The following AOPEP variants were observed in gnomAD, a reference collection of about 807,000 sequenced individuals.
The protein encoded by AOPEP is aminopeptidase O.
In AOPEP, 77 loss-of-function variants were observed where a neutral mutation model predicts 98.1. The ratio of observed to expected loss-of-function variants is 0.78; its 90% CI spans 0.65 to 0.95. The LOEUF (loss-of-function observed/expected upper bound fraction) is 0.95. Among genes scored for constraint, AOPEP ranks in the 40% least tolerant of loss-of-function variants. The pLI, the probability that AOPEP is intolerant of heterozygous loss-of-function variation, is 0.00. For missense variants in AOPEP, 1,024 were observed against 1,024.7 expected, an observed-to-expected ratio of 1.00 and a Z score of 0.01; for synonymous variants, 346 against 365.3, an observed-to-expected ratio of 0.95 and a Z score of 0.60.
intron 3 of AOPEP, among the ~76,000 whole-genome samples, chr9:94,778,782 C>T (rs1056121468): frequency 6.6e-6 from 1 of 152,124 alleles, no homozygotes; most frequent in Non-Finnish European, 1.5e-5. Context: ...AATCCCAACA[C>T]TTTGAGAGGC....
intron 1 of AOPEP, among the ~76,000 whole-genome samples, chr9:94,740,937 A>G (rs907801153): frequency 2.6e-5 from 4 of 152,260 alleles, no homozygotes; most frequent in Admixed American, 6.5e-5. Flanking sequence ...CTGGCGCTTA[A>G]TAAGAACTCA....
At chr9:95,052,745 T>C (rs1255741075) in intron 13 of AOPEP, among the ~76,000 whole-genome samples, 1 of 152,218 alleles carries the variant, frequency 6.6e-6, no homozygotes, top group Non-Finnish European at 1.5e-5. Context: ...ATTCTGGGTT[T>C]GGATGAAATT....
chr9:94,828,734 A>AAT (rs1041683720), intron 5 of AOPEP, among the ~76,000 whole-genome samples: 52 of 151,178 alleles, frequency 3.4e-4, no homozygotes, highest in South Asian at 1.0e-3. Context: ...ATACACACAC[A>AAT]ATATATATAT....
At chr9:94,827,782 C>G (rs1241536870) in intron 5 of AOPEP, among the ~76,000 whole-genome samples, 1 of 152,140 alleles carries the variant, frequency 6.6e-6, no homozygotes, top group African/African-American at 2.4e-5. Flanking sequence ...CCTAGGCTTT[C>G]AAGATCAAAG....
At chr9:94,915,199 G>A (rs2052622596) in intron 5 of AOPEP, among the ~76,000 whole-genome samples, 1 of 152,138 alleles carries the variant, frequency 6.6e-6, no homozygotes, top group Non-Finnish European at 1.5e-5. Context: ...GGTGGTTGCT[G>A]GAATTGAATG....
intron 13 of AOPEP, among the ~76,000 whole-genome samples, chr9:95,029,569 G>T (rs373417255): frequency 6.6e-6 from 1 of 152,112 alleles, no homozygotes; most frequent in African/African-American, 2.4e-5. Context: ...TTTGAGAGAC[G>T]CCATGTGTTA....
At chr9:94,985,665 A>G (rs1382648799) in intron 11 of AOPEP, among the ~76,000 whole-genome samples, 1 of 152,210 alleles carries the variant, frequency 6.6e-6, no homozygotes, top group Non-Finnish European at 1.5e-5. Flanking sequence ...GAACTACGAT[A>G]TGTTTGCTTC....
chr9:94,869,214 G>A (rs1045944932), intron 5 of AOPEP, among the ~76,000 whole-genome samples: 4 of 152,156 alleles, frequency 2.6e-5, no homozygotes, highest in Non-Finnish European at 5.9e-5. Context: ...GGGTGACAGA[G>A]CAAGACTCCG....
chr9:94,940,139 A>G (rs1481273316), intron 7 of AOPEP, among the ~76,000 whole-genome samples: 1 of 152,234 alleles, frequency 6.6e-6, no homozygotes, highest in Non-Finnish European at 1.5e-5. Flanking sequence ...TGAGAGAGTT[A>G]CTCAACCACA....
intron 16 of AOPEP, among the ~76,000 whole-genome samples, chr9:95,083,511 GAGCACCCAC>G (rs973197746): frequency 7.4e-6 from 1 of 135,728 alleles, no homozygotes; most frequent in Non-Finnish European, 1.6e-5. Flanking sequence ...AGAGCACCTG[GAGCACCCAC>G]AGCACACACA....
In AOPEP at chr9:94,897,921, C is replaced by T. The variant is rs574770538; in HGVS notation, c.1365-26065C>T. Among the ~76,000 whole-genome samples, 176 of 150,234 alleles carry T rather than the reference C, an allele frequency of 1.2e-3. 1 individual carries two copies. The highest frequency in any genetic ancestry group is 3.9e-3 in the African/African-American group (159 of 40,806). On this transcript the variant is annotated intron_variant, in intron 5 of 16. Transcript: ENST00000375315. The stretch of plus-strand genomic sequence containing the variant: ...ATAGCACTATCTCGGCTCACTGCAA[C>T]CTCTGCCTCCCAGGTTCAAGCGATT...
At chr9:94,878,088 A>G (rs1441759887) in intron 5 of AOPEP, among the ~76,000 whole-genome samples, 1 of 152,010 alleles carries the variant, frequency 6.6e-6, no homozygotes, top group Non-Finnish European at 1.5e-5. Context: ...GTGCTAGAAC[A>G]TAAGGTAGAG....
intron 9 of AOPEP, among the ~76,000 whole-genome samples, chr9:94,967,314 C>T (rs754518814): frequency 3.0e-4 from 45 of 152,094 alleles, no homozygotes; most frequent in Non-Finnish European, 4.6e-4. Context: ...GCATATTTAT[C>T]ATCTTGATAT....
chr9:95,064,590 C>T (rs2067677170), intron 14 of AOPEP, among the ~76,000 whole-genome samples: 1 of 152,168 alleles, frequency 6.6e-6, no homozygotes, highest in Admixed American at 6.5e-5. Flanking sequence ...CGCCTGGCCT[C>T]GTCTACCTCT....
At chr9:95,006,646 G>T (rs1589241005) in intron 13 of AOPEP, among the ~76,000 whole-genome samples, 1 of 152,066 alleles carries the variant, frequency 6.6e-6, no homozygotes, top group Non-Finnish European at 1.5e-5. Context: ...GCATGAAAAG[G>T]GGGACCCCAC....
the AOPEP span, among the ~76,000 whole-genome samples, chr9:95,121,244 T>A: frequency 1.3e-5 from 2 of 152,172 alleles, no homozygotes; most frequent in Non-Finnish European, 2.9e-5. Context: ...TTAGAAAAAG[T>A]GGCTTGTCAC....
intron 16 of AOPEP, among the ~76,000 whole-genome samples, chr9:95,084,453 G>A (rs1001095373): frequency 6.6e-6 from 1 of 152,208 alleles, no homozygotes; most frequent in Admixed American, 6.5e-5. Flanking sequence ...CCTCCAGGAC[G>A]GGCTGGCGGC....
chr9:94,914,889 G>A (rs2052587357), intron 5 of AOPEP, among the ~76,000 whole-genome samples: 1 of 152,192 alleles, frequency 6.6e-6, no homozygotes, highest in South Asian at 2.1e-4. Flanking sequence ...AAGCCTTTCA[G>A]GTAGGGCTGC....
At chr9:94,871,714 CAAGA>C (rs2046367747) in intron 5 of AOPEP, among the ~76,000 whole-genome samples, 1 of 151,788 alleles carries the variant, frequency 6.6e-6, no homozygotes, top group Non-Finnish European at 1.5e-5. Context: ...ATCAAAGTAA[CAAGA>C]AATATGGGCT....
Sources: allele counts gnomAD v4.1 joint callset (sites outside exome capture counted in the v4.1 genomes callset), GRCh38; gene constraint gnomAD v4.1.1; transcripts MANE v1.5; gene names NCBI Gene and HGNC (gene_info 2026-07-23, HGNC 2026-07-21).